MAML3: variants seen among roughly 807,000 people sequenced by gnomAD.
MAML3 encodes the protein mastermind-like protein 3.
A neutral mutation model predicts 101.9 loss-of-function variants in MAML3; 27 were observed. The observed-to-expected ratio is 0.27, with a 90% CI of 0.20 to 0.37. MAML3 has a LOEUF of 0.37. MAML3 is among the 10% of genes least tolerant of loss of function. The pLI is 1.00. For missense variants in MAML3, 1,316 were observed against 1,444.9 expected (o/e 0.91, Z 1.45); for synonymous variants, 501 against 555.9 (o/e 0.90, Z 1.39).
intron 1 of MAML3, among the ~76,000 whole-genome samples, chr4:139,987,249 A>C (rs540799850): frequency 1.3e-5 from 2 of 152,334 alleles, no homozygotes; most frequent in East Asian, 3.9e-4. Flanking sequence ...GTTTATAAAT[A>C]TTTTGGCATC....
At chr4:140,002,124 T>C (rs1734935535) in intron 1 of MAML3, among the ~76,000 whole-genome samples, 1 of 152,172 alleles carries the variant, frequency 6.6e-6, no homozygotes, top group Non-Finnish European at 1.5e-5. Flanking sequence ...TTAACTATAG[T>C]CACCACGTTG....
intron 1 of MAML3, among the ~76,000 whole-genome samples, chr4:140,115,090 A>C (rs1728497357): frequency 6.6e-6 from 1 of 152,186 alleles, no homozygotes; most frequent in Non-Finnish European, 1.5e-5. Flanking sequence ...TTTTAATACA[A>C]TGCCCTAATT....
intron 1 of MAML3, among the ~76,000 whole-genome samples, chr4:140,092,104 GTATA>G (rs1416440469): frequency 1.8e-4 from 14 of 79,162 alleles, no homozygotes; most frequent in African/African-American, 5.4e-4. Flanking sequence ...ATATATATAC[GTATA>G]TATATATATA....
At chr4:139,979,622 T>C (rs936598767) in intron 1 of MAML3, among the ~76,000 whole-genome samples, 12 of 152,192 alleles carry the variant, frequency 7.9e-5, no homozygotes, top group African/African-American at 2.9e-4. Flanking sequence ...CCCTCATGAA[T>C]AGCAGTAAGG....
intron 1 of MAML3, among the ~76,000 whole-genome samples, chr4:140,011,760 A>T (rs1726568357): frequency 6.6e-6 from 1 of 152,174 alleles, no homozygotes; most frequent in Admixed American, 6.5e-5. Context: ...CTGTTTGTGC[A>T]CTGCAGTTTC....
intron 1 of MAML3, among the ~76,000 whole-genome samples, chr4:140,091,532 C>CAAAAA (rs1218380120): frequency 3.3e-4 from 4 of 12,080 alleles, no homozygotes; most frequent in South Asian, 5.8e-3. Context: ...AACAAAACAA[C>CAAAAA]AAAACAAAAA....
rs1017648466 is a variant in MAML3 at position 140,078,716 on chromosome 4, A to G, written c.468+74144T>C. On this transcript the variant is annotated intron_variant, in intron 1 of 4. Coordinates refer to ENST00000509479, the MANE Select transcript of MAML3 (RefSeq NM_018717.5). Reference sequence around the variant, plus strand: ...CATAAAAATGAAAAGAAAGCTAGAGAGTCAAAGAAATTAAGCTTTGTCTCC... The same window carrying G: ...CATAAAAATGAAAAGAAAGCTAGAGGGTCAAAGAAATTAAGCTTTGTCTCC... Among the ~76,000 whole-genome samples the G allele has an allele frequency of 5.9e-5, 9 of 152,336 alleles. No homozygotes were observed. The South Asian group carries it at 8.3e-4, about 14-fold the overall frequency.
intron 2 of MAML3, among the ~76,000 whole-genome samples, chr4:139,875,792 G>GCTGGGTTGGCTTATCCAGAGC (rs1231025462): frequency 1.3e-5 from 2 of 152,140 alleles, no homozygotes; most frequent in Admixed American, 6.5e-5. Context: ...CACAAAGCCG[G>GCTGGGTTGGCTTATCCAGAGC]CTGGGTTGGC....
rs1728171084 is a variant in MAML3, at chr4:139,720,104, G to T, written c.2636C>A (p.Thr879Asn). The change falls in exon 5 of 5, where the codon ACC becomes AAC. Residue 879 changes from threonine (T) to asparagine (N), a missense_variant. Physicochemically the swap from Thr to Asn is moderately conservative, Grantham distance 65. Coordinates refer to ENST00000509479, the MANE Select transcript of MAML3 (RefSeq NM_018717.5). ...PGMYNMSTGM[T>N]QMLQHPNQSG... ...TTGGTTTGGATGCTGCAACATTTGG[G>T]TCATGCCTGTGCTCATATTGTACAT... 1 of 1,614,076 alleles carries T rather than the reference G, an allele frequency of 6.2e-7. No homozygotes were observed. Among genetic ancestry groups the T allele is most frequent in the South Asian group, 1.1e-5 (1 of 91,090 alleles).
intron 2 of MAML3, among the ~76,000 whole-genome samples, chr4:139,747,221 T>TTC (rs1560780787): frequency 2.6e-4 from 39 of 152,314 alleles, no homozygotes; most frequent in Non-Finnish European, 5.6e-4. Flanking sequence ...AATCCACACC[T>TTC]TCTGCATCAC....
At chr4:140,099,432 T>A (rs772541038) in intron 1 of MAML3, among the ~76,000 whole-genome samples, 2 of 152,160 alleles carry the variant, frequency 1.3e-5, no homozygotes, top group Non-Finnish European at 2.9e-5. Flanking sequence ...AGGGTCTCAC[T>A]CTGCCACCCA....
chr4:139,821,588 AG>A (rs1203852719), intron 2 of MAML3, among the ~76,000 whole-genome samples: 7 of 152,220 alleles, frequency 4.6e-5, no homozygotes, highest in Non-Finnish European at 7.3e-5. Flanking sequence ...TAAGTAAGCA[AG>A]GCCCTGCTGT....
At chr4:139,825,244 A>G (rs1310752332) in intron 2 of MAML3, among the ~76,000 whole-genome samples, 1 of 152,070 alleles carries the variant, frequency 6.6e-6, no homozygotes. Context: ...GGGAAACGGT[A>G]TTGGGGGTGG....
At chr4:139,941,691 G>C (rs1273546914) in intron 1 of MAML3, among the ~76,000 whole-genome samples, 1 of 152,142 alleles carries the variant, frequency 6.6e-6, no homozygotes, top group Non-Finnish European at 1.5e-5. Context: ...ACATGTGTGT[G>C]TTTAGGGGGT....
At chr4:140,086,343 A>G (rs543830096) in intron 1 of MAML3, among the ~76,000 whole-genome samples, 1 of 152,328 alleles carries the variant, frequency 6.6e-6, no homozygotes, top group South Asian at 2.1e-4. Flanking sequence ...CTTGGACTCA[A>G]ACAGGTCATC....
chr4:139,931,751 T>G (rs1012766884), intron 1 of MAML3, among the ~76,000 whole-genome samples: 4 of 152,076 alleles, frequency 2.6e-5, no homozygotes, highest in African/African-American at 9.7e-5. Context: ...GGCTCACGCC[T>G]GTAATCCCAC....
intron 2 of MAML3, among the ~76,000 whole-genome samples, chr4:139,835,211 C>T (rs1731237739): frequency 6.6e-6 from 1 of 152,214 alleles, no homozygotes; most frequent in Non-Finnish European, 1.5e-5. Context: ...CAGGGATGGC[C>T]CTGTGTGTCA....
At chr4:139,838,373 C>A (rs1731298598) in intron 2 of MAML3, among the ~76,000 whole-genome samples, 1 of 152,138 alleles carries the variant, frequency 6.6e-6, no homozygotes, top group African/African-American at 2.4e-5. Context: ...ACAGATGATT[C>A]CCTACCCTTG....
intron 2 of MAML3, among the ~76,000 whole-genome samples, chr4:139,796,635 T>C (rs1281979532): frequency 6.6e-6 from 1 of 152,194 alleles, no homozygotes; most frequent in African/African-American, 2.4e-5. Flanking sequence ...CCGATCAAGA[T>C]GGATTTGGAC....
Sources: allele counts gnomAD v4.1 joint callset (sites outside exome capture counted in the v4.1 genomes callset), GRCh38; gene constraint gnomAD v4.1.1; transcripts MANE v1.5; gene names NCBI Gene and HGNC (gene_info 2026-07-23, HGNC 2026-07-21).